IMMP2L: variants seen among roughly 807,000 people sequenced by gnomAD.
IMMP2L encodes the protein inner mitochondrial membrane peptidase subunit 2.
A neutral mutation model predicts 19.3 loss-of-function variants in IMMP2L; 18 were observed. The ratio of observed to expected loss-of-function variants is 0.93; its 90% confidence interval spans 0.64 to 1.38. The LOEUF (loss-of-function observed/expected upper bound fraction) is 1.38, where lower values mean the gene tolerates loss of function less well. Ranked by LOEUF, IMMP2L falls within the 40% of genes most tolerant of loss-of-function variation. The pLI is 0.00. For synonymous variants in IMMP2L, 76 were observed against 73.0 expected (o/e 1.04, Z -0.21); for missense variants, 233 against 218.2 (o/e 1.07, Z -0.43).
At chr7:111,513,269 A>G (rs1471226810) in intron 2 of IMMP2L, among the ~76,000 whole-genome samples, 5 of 152,190 alleles carry the variant, frequency 3.3e-5, no homozygotes, top group Non-Finnish European at 7.4e-5. Context: ...CTCTATAGCA[A>G]GAAAACAACT....
chr7:111,089,005 A>G (rs1255491400), intron 3 of IMMP2L, among the ~76,000 whole-genome samples: 1 of 152,188 alleles, frequency 6.6e-6, no homozygotes, highest in African/African-American at 2.4e-5. Flanking sequence ...TATAAAAATG[A>G]GTATAAAATA....
At chr7:110,922,221 G>T (rs944887530) in intron 4 of IMMP2L, among the ~76,000 whole-genome samples, 1 of 152,158 alleles carries the variant, frequency 6.6e-6, no homozygotes, top group African/African-American at 2.4e-5. Flanking sequence ...AAGACTAGTG[G>T]TCTGGAGAAA....
intron 3 of IMMP2L, among the ~76,000 whole-genome samples, chr7:111,204,261 A>G (rs1329386572): frequency 6.6e-6 from 1 of 152,196 alleles, no homozygotes; most frequent in Middle Eastern, 3.2e-3. Flanking sequence ...CATGAGAGGC[A>G]TCTACCTTTA....
intron 3 of IMMP2L, among the ~76,000 whole-genome samples, chr7:111,374,394 A>G (rs1830503853): frequency 6.6e-6 from 1 of 152,078 alleles, no homozygotes; most frequent in Non-Finnish European, 1.5e-5. Context: ...AACAACTAAG[A>G]AAAACCTAAT....
chr7:111,467,722 T>C (rs1219703439), intron 3 of IMMP2L, among the ~76,000 whole-genome samples: 1 of 152,206 alleles, frequency 6.6e-6, no homozygotes, highest in Non-Finnish European at 1.5e-5. Flanking sequence ...CATTACTGTT[T>C]ATGACCTCTA....
chr7:111,538,263 T>C (rs1022796065), intron 1 of IMMP2L, among the ~76,000 whole-genome samples: 12 of 152,096 alleles, frequency 7.9e-5, no homozygotes, highest in Non-Finnish European at 1.6e-4. Context: ...TAGCTGTCCA[T>C]ATAAACTACA....
chr7:111,040,428 T>A (rs1197801160), intron 3 of IMMP2L, among the ~76,000 whole-genome samples: 1 of 152,058 alleles, frequency 6.6e-6, no homozygotes, highest in Non-Finnish European at 1.5e-5. Context: ...CTGAAGCAAA[T>A]ACCCAGTTTA....
rs953504622 is a variant in IMMP2L, at chr7:110,740,292, C to A, written c.409-76571G>T. On this transcript the variant is annotated intron_variant, in intron 5 of 5. Transcript: ENST00000405709. ...AGATAAATGAAACAAAAAGCTGGTT[C>A]TTTGAAATGATAAATAAAATTGATA... Among the ~76,000 whole-genome samples the A allele has an allele frequency of 1.3e-5, 2 of 152,032 alleles. 1 individual carries two copies.
At chr7:110,669,075 G>A (rs1192962028) in intron 5 of IMMP2L, among the ~76,000 whole-genome samples, 2,916 of 94,642 alleles carry the variant, frequency 0.031, 78 homozygotes, top group African/African-American at 0.085. Context: ...GTGTGTGTGT[G>A]TGTGTGTGTG....
At chr7:110,838,662 A>C (rs1804753388) in intron 5 of IMMP2L, among the ~76,000 whole-genome samples, 1 of 152,136 alleles carries the variant, frequency 6.6e-6, no homozygotes, top group South Asian at 2.1e-4. Context: ...AGATGTGACA[A>C]CTCAACCTTG....
chr7:110,922,625 T>C (rs115825), intron 4 of IMMP2L, among the ~76,000 whole-genome samples: 84,120 of 151,928 alleles, frequency 0.55, 23,777 homozygotes, highest in East Asian at 0.81. Flanking sequence ...TTTTCTTCTC[T>C]TCACTTAATC....
intron 3 of IMMP2L, among the ~76,000 whole-genome samples, chr7:111,336,782 A>T (rs1224640711): frequency 2.0e-5 from 3 of 151,882 alleles, no homozygotes; most frequent in Admixed American, 1.3e-4. Context: ...AATTTTACCC[A>T]AAATGAATTC....
chr7:111,534,364 C>A (rs1345678843), intron 1 of IMMP2L, among the ~76,000 whole-genome samples: 2 of 151,920 alleles, frequency 1.3e-5, no homozygotes, highest in African/African-American at 4.8e-5. Context: ...AGATTCTCCT[C>A]CAAAAAAGTT....
intron 4 of IMMP2L, among the ~76,000 whole-genome samples, chr7:110,907,406 T>C (rs923107315): frequency 1.3e-5 from 2 of 152,128 alleles, no homozygotes; most frequent in East Asian, 1.9e-4. Context: ...TGAAGTCAAG[T>C]TGCTTCTCTT....
intron 2 of IMMP2L, among the ~76,000 whole-genome samples, chr7:111,496,295 G>A (rs1261395475): frequency 6.6e-6 from 1 of 152,088 alleles, no homozygotes; most frequent in Admixed American, 6.5e-5. Context: ...ATGTACCCAG[G>A]TCTGTACAAA....
chr7:111,015,704 T>A (rs1379233127), intron 3 of IMMP2L, among the ~76,000 whole-genome samples: 1 of 152,066 alleles, frequency 6.6e-6, no homozygotes, highest in African/African-American at 2.4e-5. Flanking sequence ...TGAATGCTAA[T>A]AGGTAGAGGG....
intron 3 of IMMP2L, among the ~76,000 whole-genome samples, chr7:111,251,383 C>T (rs1329524891): frequency 1.3e-5 from 2 of 151,978 alleles, no homozygotes; most frequent in African/African-American, 4.8e-5. Context: ...ACCATTTGAC[C>T]CAGCAATCCC....
chr7:111,481,677 C>T (rs1179896579), intron 3 of IMMP2L, among the ~76,000 whole-genome samples: 4 of 151,942 alleles, frequency 2.6e-5, no homozygotes, highest in Non-Finnish European at 5.9e-5. Flanking sequence ...CTCTTACCAA[C>T]ACCAGGTGTT....
At chr7:111,383,973 A>G (rs961179126) in intron 3 of IMMP2L, among the ~76,000 whole-genome samples, 6 of 152,060 alleles carry the variant, frequency 3.9e-5, no homozygotes, top group African/African-American at 1.2e-4. Context: ...CTTGGTTATA[A>G]TTAGTTATTT....
Sources: allele counts gnomAD v4.1 joint callset (sites outside exome capture counted in the v4.1 genomes callset), GRCh38; gene constraint gnomAD v4.1.1; transcripts MANE v1.5; gene names NCBI Gene and HGNC (gene_info 2026-07-23, HGNC 2026-07-21).